ANO1: variants seen among roughly 807,000 people sequenced by gnomAD.
The protein encoded by ANO1 is anoctamin 1, also known as anoctamin-1.
In ANO1, 59 loss-of-function variants were observed where a neutral mutation model predicts 124.0. The observed-to-expected ratio is 0.48, with a 90% CI of 0.39 to 0.59. The LOEUF (loss-of-function observed/expected upper bound fraction) is 0.59, where lower values mean the gene tolerates loss of function less well. Ranked by LOEUF, ANO1 falls within the 20% of genes least tolerant of loss-of-function variation. The pLI is 0.00. For synonymous variants in ANO1, 529 were observed against 532.0 expected, an observed-to-expected ratio of 0.99 and a Z score of 0.08; for missense variants, 1,059 against 1,328.0, an observed-to-expected ratio of 0.80 and a Z score of 3.15.
the ANO1 span, among the ~76,000 whole-genome samples, chr11:69,969,386 T>G: frequency 6.6e-6 from 1 of 152,186 alleles, no homozygotes; most frequent in Non-Finnish European, 1.5e-5. Context: ...GGAGTCTCTC[T>G]GCACTCAGCT....
intron 19 of ANO1, 94 bp from the exon 20 acceptor site, chr11:70,165,376 G>A: frequency 9.3e-7 from 1 of 1,070,866 alleles, no homozygotes; most frequent in South Asian, 1.3e-5. Flanking sequence ...GAGGACGCAG[G>A]TCAACCCACA....
intron 19 of ANO1, among the ~76,000 whole-genome samples, chr11:70,164,499 C>T (rs1417731035): frequency 6.6e-6 from 1 of 152,188 alleles, no homozygotes; most frequent in Non-Finnish European, 1.5e-5. Flanking sequence ...GTCAGAAAGT[C>T]ATATAATAAA....
intron 1 of ANO1, among the ~76,000 whole-genome samples, chr11:70,019,658 C>G (rs547769409): frequency 1.3e-5 from 2 of 152,350 alleles, no homozygotes; most frequent in South Asian, 2.1e-4. Context: ...GGCAAACACT[C>G]TAAGTCAGCT....
chr11:70,041,917 A>G (rs1857188636), intron 1 of ANO1, among the ~76,000 whole-genome samples: 1 of 152,190 alleles, frequency 6.6e-6, no homozygotes, highest in South Asian at 2.1e-4. Flanking sequence ...TTACCAACAT[A>G]CCATCAGCAA....
intron 1 of ANO1, among the ~76,000 whole-genome samples, chr11:70,087,310 G>A (rs898682561): frequency 6.6e-6 from 1 of 152,172 alleles, no homozygotes; most frequent in African/African-American, 2.4e-5. Context: ...ATTTGTCCAT[G>A]TACAATTAAA....
chr11:70,023,911 G>T (rs782348551), intron 1 of ANO1, among the ~76,000 whole-genome samples: 2 of 152,244 alleles, frequency 1.3e-5, no homozygotes, highest in Non-Finnish European at 2.9e-5. Context: ...CCAAAGTCTT[G>T]TCGAGAAAAT....
intron 12 of ANO1, 142 bp downstream of exon 12, chr11:70,149,934 C>A: frequency 1.2e-6 from 1 of 837,762 alleles, no homozygotes; most frequent in African/African-American, 1.7e-5. Context: ...CCATCCCCCA[C>A]CCCCTGCCTG....
At chr11:70,020,880 A>G (rs1555002563) in intron 1 of ANO1, 1 of 152,218 alleles carries the variant, frequency 6.6e-6, no homozygotes, top group Non-Finnish European at 1.5e-5. Flanking sequence ...ACAAAGAGCT[A>G]ACCTTTTTAG....
chr11:69,995,374 G>A (rs1343829583), intron 1 of ANO1, among the ~76,000 whole-genome samples: 1 of 152,128 alleles, frequency 6.6e-6, no homozygotes, highest in Non-Finnish European at 1.5e-5. Flanking sequence ...TAGGATTACA[G>A]GCATGAGCCA....
the ANO1 span, among the ~76,000 whole-genome samples, chr11:69,966,339 AG>A: frequency 4.6e-5 from 7 of 152,184 alleles, no homozygotes; most frequent in Non-Finnish European, 5.9e-5. Context: ...ATTGGCATCC[AG>A]GGGAAGTGTC....
chr11:70,020,662 C>G (rs1378213068), intron 1 of ANO1, among the ~76,000 whole-genome samples: 1 of 152,204 alleles, frequency 6.6e-6, no homozygotes, highest in African/African-American at 2.4e-5. Context: ...CAGCCTAACC[C>G]AATCCCACAG....
At chr11:70,183,712 G>A (rs1364947791) in intron 24 of ANO1, among the ~76,000 whole-genome samples, 4 of 152,202 alleles carry the variant, frequency 2.6e-5, no homozygotes, top group East Asian at 1.9e-4. Flanking sequence ...CACCAGAGCC[G>A]TGGCCCAGCC....
chr11:69,995,632 T>A (rs1167850940), intron 1 of ANO1, among the ~76,000 whole-genome samples: 1 of 152,200 alleles, frequency 6.6e-6, no homozygotes, highest in Non-Finnish European at 1.5e-5. Flanking sequence ...ACTGGAACTT[T>A]CTTCTCATTA....
At chr11:70,181,814 C>T (rs912365303) in intron 23 of ANO1, among the ~76,000 whole-genome samples, 1 of 152,018 alleles carries the variant, frequency 6.6e-6, no homozygotes, top group African/African-American at 2.4e-5. Context: ...GAAACATTCA[C>T]GAGGCACCTA....
At chr11:69,991,853 G>A (rs1284833027) in intron 1 of ANO1, among the ~76,000 whole-genome samples, 1 of 152,218 alleles carries the variant, frequency 6.6e-6, no homozygotes, top group Non-Finnish European at 1.5e-5. Flanking sequence ...TATGATCTGT[G>A]TTGTAGAAGG....
At chr11:70,156,676 A>G (rs1299323707) in intron 15 of ANO1, among the ~76,000 whole-genome samples, 1 of 152,212 alleles carries the variant, frequency 6.6e-6, no homozygotes, top group African/African-American at 2.4e-5. Context: ...AGCTGGCATT[A>G]CAATGTCCTA....
intron 11 of ANO1, among the ~76,000 whole-genome samples, chr11:70,142,512 A>G (rs964492212): frequency 6.6e-6 from 1 of 151,874 alleles, no homozygotes; most frequent in African/African-American, 2.4e-5. Flanking sequence ...CTCGTGCAGG[A>G]CCAGAGCCCT....
chr11:70,141,233 C>T (rs2047143544), intron 11 of ANO1, among the ~76,000 whole-genome samples: 2 of 152,142 alleles, frequency 1.3e-5, no homozygotes, highest in African/African-American at 4.8e-5. Flanking sequence ...GGGCTGTGGC[C>T]GTTCATTTGG....
intron 1 of ANO1, among the ~76,000 whole-genome samples, chr11:70,068,021 C>G (rs1857775937): frequency 6.6e-6 from 1 of 152,220 alleles, no homozygotes. Flanking sequence ...CTGATTGCCC[C>G]TGTGGAGGGG....
Sources: gnomAD v4.1 joint callset for allele counts (sites outside exome capture counted in the v4.1 genomes callset) on GRCh38, gnomAD v4.1.1 for gene constraint, MANE v1.5 for transcripts, NCBI Gene and HGNC (gene_info 2026-07-23, HGNC 2026-07-21) for gene names.